Variants in ADISSP observed in about 807,000 individuals in gnomAD.
The protein encoded by ADISSP is adipose secreted signaling protein.
chr20:3,757,452 T>C, the ADISSP span, among the ~76,000 whole-genome samples: 3 of 152,256 alleles, frequency 2.0e-5, no homozygotes, highest in East Asian at 5.8e-4. Context: ...ATTTTCTCTG[T>C]CTTCCAAATT....
chr20:3,758,807 G>T, the ADISSP span: 2 of 831,240 alleles, frequency 2.4e-6, no homozygotes, highest in Non-Finnish European at 3.7e-6. This position sits in a 1 kb window ranked among gnomAD's most constrained non-coding sequence, Gnocchi z 5.5. Flanking sequence ...TCTTTTCAGG[G>T]CTAGATGGAC....
At chr20:3,763,429 A>C in the ADISSP span, among the ~76,000 whole-genome samples, 2 of 145,934 alleles carry the variant, frequency 1.4e-5, no homozygotes, top group African/African-American at 2.6e-5. Flanking sequence ...GTGGTGGCGC[A>C]TGCCTGTAAT....
At chr20:3,760,295 C>G in the ADISSP span, 4 of 580,012 alleles carry the variant, frequency 6.9e-6, no homozygotes, top group Non-Finnish European at 1.2e-5. Flanking sequence ...CTACCGCTCT[C>G]AGCAGCCCAA....
At chr20:3,768,364 C>T in the ADISSP span, 1 of 152,672 alleles carries the variant, frequency 6.5e-6, no homozygotes, top group Non-Finnish European at 1.5e-5. Context: ...GGGTGCCTGG[C>T]CCGGCCTGGA....
At chr20:3,760,008 T>A in the ADISSP span, 1 of 1,609,198 alleles carries the variant, frequency 6.2e-7, no homozygotes, top group Non-Finnish European at 8.5e-7. Context: ...GGGCCCTACC[T>A]GCAGCAATGG....
chr20:3,761,640 A>T, the ADISSP span, among the ~76,000 whole-genome samples: 1 of 152,040 alleles, frequency 6.6e-6, no homozygotes, highest in Non-Finnish European at 1.5e-5. Flanking sequence ...CTGGCCGAGG[A>T]CCTGGTGTTT....
At chr20:3,754,049 C>A in the ADISSP span, 2 of 1,606,206 alleles carry the variant, frequency 1.2e-6, no homozygotes, top group Non-Finnish European at 1.7e-6. Context: ...GCAGGCGGGG[C>A]CTCGGGCCTC....
At chr20:3,754,193 C>T in the ADISSP span, 1 of 1,573,304 alleles carries the variant, frequency 6.4e-7, no homozygotes, top group Non-Finnish European at 8.7e-7. Flanking sequence ...GCCATGCTGG[C>T]CCCCGGCCCC....
chr20:3,754,000 C>A, the ADISSP span: 1 of 1,324,388 alleles, frequency 7.6e-7, no homozygotes. Context: ...CGCAGCATGT[C>A]GGGGGGACAA....
chr20:3,760,224 CA>C, the ADISSP span: 1 of 753,956 alleles, frequency 1.3e-6, no homozygotes, highest in African/African-American at 1.7e-5. Context: ...GGGTCAGGGC[CA>C]CTCATGGACC....
chr20:3,766,975 G>C, the ADISSP span, among the ~76,000 whole-genome samples: 1 of 152,098 alleles, frequency 6.6e-6, no homozygotes, highest in Non-Finnish European at 1.5e-5. Flanking sequence ...TCATACCACC[G>C]GGAGGGAGGT....
chr20:3,757,178 G>A, the ADISSP span, among the ~76,000 whole-genome samples: 5 of 152,124 alleles, frequency 3.3e-5, no homozygotes, highest in East Asian at 5.8e-4. Context: ...GTGAAACCCC[G>A]TCTCTACTAA....
At chr20:3,758,536 C>G in the ADISSP span, 1 of 1,613,268 alleles carries the variant, frequency 6.2e-7, no homozygotes, top group Non-Finnish European at 8.5e-7. The surrounding 1 kb of genome is among the most constrained non-coding windows in gnomAD (Gnocchi z 5.5). Context: ...GTGCATGTAC[C>G]TTGACCAGAA....
At chr20:3,758,597 T>C in the ADISSP span, 2 of 1,613,972 alleles carry the variant, frequency 1.2e-6, no homozygotes, top group Non-Finnish European at 1.7e-6. The surrounding 1 kb of genome is among the most constrained non-coding windows in gnomAD (Gnocchi z 5.5). Flanking sequence ...ATGCAGCTTC[T>C]CATCAAAGTG....
chr20:3,754,357 T>G, the ADISSP span: 804 of 1,601,276 alleles, frequency 5.0e-4, 1 homozygote, highest in Non-Finnish European at 6.5e-4. Flanking sequence ...GCAGTCGAGC[T>G]TGTGCATCCC....
the ADISSP span, among the ~76,000 whole-genome samples, chr20:3,766,153 G>A: frequency 6.6e-6 from 1 of 152,194 alleles, no homozygotes; most frequent in Non-Finnish European, 1.5e-5. Context: ...CCTGGCTCAA[G>A]CACTCAGTCC....
the ADISSP span, among the ~76,000 whole-genome samples, chr20:3,760,945 C>T: frequency 6.6e-6 from 1 of 152,160 alleles, no homozygotes; most frequent in Non-Finnish European, 1.5e-5. Context: ...CACATAAAAG[C>T]AGTGCATTCA....
chr20:3,757,047 A>AAATAAATAAATAAATAAATG, the ADISSP span, among the ~76,000 whole-genome samples: 5 of 152,092 alleles, frequency 3.3e-5, no homozygotes, highest in South Asian at 1.0e-3. Flanking sequence ...ATAAATAAAT[A>AAATAAATAAATAAATAAATG]ACATTTTAAA....
At chr20:3,765,656 G>A in the ADISSP span, among the ~76,000 whole-genome samples, 5 of 152,152 alleles carry the variant, frequency 3.3e-5, no homozygotes, top group Non-Finnish European at 7.4e-5. Flanking sequence ...CCCTTAGAGT[G>A]GGCCCCAGGG....
Sources: allele counts gnomAD v4.1 joint callset (sites outside exome capture counted in the v4.1 genomes callset), GRCh38; gene constraint gnomAD v4.1.1; non-coding constraint Gnocchi (gnomAD v3.1); transcripts MANE v1.5; gene names NCBI Gene and HGNC (gene_info 2026-07-23, HGNC 2026-07-21).